Variants in ROBO2 observed in about 807,000 individuals in gnomAD.
The protein encoded by ROBO2 is roundabout guidance receptor 2, also known as roundabout homolog 2.
ROBO2 carries 53 observed loss-of-function variants against 160.8 expected under a neutral mutation model. The observed-to-expected ratio is 0.33, with a 90% CI of 0.26 to 0.41. ROBO2 has a LOEUF of 0.41. ROBO2 is among the 10% of genes least tolerant of loss of function. The probability of loss-of-function intolerance (pLI) is 1.00; values close to 1 mark genes in which losing one functional copy is unlikely to be tolerated. For synonymous variants in ROBO2, 664 were observed against 611.7 expected, an observed-to-expected ratio of 1.09 and a Z score of -1.26; for missense variants, 1,577 against 1,722.4, an observed-to-expected ratio of 0.92 and a Z score of 1.49.
intron 2 of ROBO2, among the ~76,000 whole-genome samples, chr3:76,680,406 TCTTTC>T (rs2092528745): frequency 6.6e-6 from 1 of 151,722 alleles, no homozygotes; most frequent in Non-Finnish European, 1.5e-5. Context: ...ATATGTTACC[TCTTTC>T]CTTTCTTTTC....
chr3:76,991,841 G>T (rs2149373705), intron 2 of ROBO2, among the ~76,000 whole-genome samples: 1 of 152,196 alleles, frequency 6.6e-6, no homozygotes, highest in Admixed American at 6.5e-5. Flanking sequence ...CTCTGAATTT[G>T]TGTTTTGCAT....
intron 2 of ROBO2, among the ~76,000 whole-genome samples, chr3:76,764,551 C>T (rs959968714): frequency 4.0e-5 from 6 of 151,670 alleles, no homozygotes; most frequent in Non-Finnish European, 7.4e-5. Flanking sequence ...CAATTGCCTG[C>T]CTGACTTAAT....
At chr3:76,432,679 C>A (rs1195294908) in intron 2 of ROBO2, among the ~76,000 whole-genome samples, 2 of 152,126 alleles carry the variant, frequency 1.3e-5, no homozygotes, top group Admixed American at 6.6e-5. Context: ...GCCACAATGC[C>A]TTTAAAGACC....
At chr3:77,056,354 T>A (rs1051315754) in intron 1 of ROBO2, among the ~76,000 whole-genome samples, 1 of 152,210 alleles carries the variant, frequency 6.6e-6, no homozygotes, top group Non-Finnish European at 1.5e-5. Context: ...CCTAATTTTG[T>A]TGGATGAGAT....
At chr3:76,101,376 G>T (rs1471213160) in intron 2 of ROBO2, among the ~76,000 whole-genome samples, 2 of 152,046 alleles carry the variant, frequency 1.3e-5, no homozygotes, top group Non-Finnish European at 2.9e-5. Flanking sequence ...GCTGGGAGGG[G>T]ACGATCACAC....
intron 2 of ROBO2, among the ~76,000 whole-genome samples, chr3:76,218,043 C>G (rs552074117): frequency 6.6e-6 from 1 of 152,242 alleles, no homozygotes; most frequent in Non-Finnish European, 1.5e-5. Flanking sequence ...AGCATATAAA[C>G]AGAACCAAAG....
At chr3:76,140,688 G>A (rs985462455) in intron 2 of ROBO2, among the ~76,000 whole-genome samples, 10 of 151,714 alleles carry the variant, frequency 6.6e-5, no homozygotes, top group African/African-American at 2.2e-4. Context: ...TGTGTCCAAA[G>A]TGATAAAGCT....
rs6788997 is a variant in ROBO2 at position 76,453,001 on chromosome 3, T to C, written c.109+515399T>C. 9.5e-3 allele frequency among the ~76,000 whole-genome samples: 1,445 copies of C among 152,238 alleles called. 20 individuals are homozygous for C. Among genetic ancestry groups the C allele is most frequent in the African/African-American group, 0.032 (1,344 of 41,548 alleles). On this transcript the variant is annotated intron_variant, in intron 2 of 26. Transcript: ENST00000487694. ...TTGAGAAGTGTCTGTTCATGTCCTT[T>C]GCCCACTTTTTGATGGGGTTGTTTG...
At chr3:76,142,455 T>C (rs573152929) in intron 2 of ROBO2, among the ~76,000 whole-genome samples, 1 of 152,138 alleles carries the variant, frequency 6.6e-6, no homozygotes, top group African/African-American at 2.4e-5. Flanking sequence ...ATGTAGTACA[T>C]ATACACAATG....
intron 19 of ROBO2, among the ~76,000 whole-genome samples, chr3:77,598,114 T>C (rs1482458318): frequency 1.3e-5 from 2 of 152,108 alleles, no homozygotes; most frequent in African/African-American, 2.4e-5. Flanking sequence ...TTAGAATTAA[T>C]GAAGGAGGCC....
At chr3:75,997,754 A>G (rs1432671120) in intron 2 of ROBO2, among the ~76,000 whole-genome samples, 3 of 152,010 alleles carry the variant, frequency 2.0e-5, no homozygotes, top group African/African-American at 7.2e-5. Flanking sequence ...TGGCCTCCCA[A>G]AGTGCTGGGA....
intron 2 of ROBO2, among the ~76,000 whole-genome samples, chr3:76,759,027 T>C (rs1005729821): frequency 6.6e-6 from 1 of 151,892 alleles, no homozygotes. Flanking sequence ...TTTTGAGCTA[T>C]CCTTTGTTTA....
chr3:76,973,855 G>C (rs1007704673), intron 2 of ROBO2, among the ~76,000 whole-genome samples: 2 of 152,148 alleles, frequency 1.3e-5, no homozygotes, highest in African/African-American at 4.8e-5. Flanking sequence ...ATATCACCTT[G>C]TAATGGGGCT....
chr3:76,967,316 C>T (rs1307475968), intron 2 of ROBO2, among the ~76,000 whole-genome samples: 1 of 150,702 alleles, frequency 6.6e-6, no homozygotes, highest in Non-Finnish European at 1.5e-5. Flanking sequence ...AGCGATTTTT[C>T]CACCCCAGAC....
chr3:77,287,171 T>C (rs901281614), intron 2 of ROBO2, among the ~76,000 whole-genome samples: 1 of 152,218 alleles, frequency 6.6e-6, no homozygotes, highest in African/African-American at 2.4e-5. Context: ...TTTAAGATGC[T>C]ATATGCACAC....
At chr3:77,183,665 T>C (rs923026390) in intron 2 of ROBO2, among the ~76,000 whole-genome samples, 1 of 152,150 alleles carries the variant, frequency 6.6e-6, no homozygotes, top group Non-Finnish European at 1.5e-5. Flanking sequence ...TGTGGTATTG[T>C]GTTATGGCAT....
chr3:76,873,166 T>G (rs1289217101), intron 2 of ROBO2, among the ~76,000 whole-genome samples: 1 of 152,182 alleles, frequency 6.6e-6, no homozygotes, highest in African/African-American at 2.4e-5. Flanking sequence ...GGTTAATAAA[T>G]GTCACATTAC....
At chr3:76,505,529 G>A (rs1238588358) in intron 2 of ROBO2, among the ~76,000 whole-genome samples, 4 of 152,100 alleles carry the variant, frequency 2.6e-5, no homozygotes, top group Non-Finnish European at 5.9e-5. Flanking sequence ...ACTGCGGTAG[G>A]GTGGACCCTA....
chr3:76,767,734 A>G (rs1471018085), intron 2 of ROBO2, among the ~76,000 whole-genome samples: 2 of 151,480 alleles, frequency 1.3e-5, no homozygotes, highest in East Asian at 2.0e-4. Context: ...TCACATTGAC[A>G]TATTGTATAG....
Sources: allele counts gnomAD v4.1 joint callset (sites outside exome capture counted in the v4.1 genomes callset), GRCh38; gene constraint gnomAD v4.1.1; transcripts MANE v1.5; gene names NCBI Gene and HGNC (gene_info 2026-07-23, HGNC 2026-07-21).